The following TRAPPC9 variants were observed in gnomAD, a reference collection of about 807,000 sequenced individuals.
TRAPPC9 encodes trafficking protein particle complex subunit 9.
In TRAPPC9, 83 loss-of-function variants were observed where a neutral mutation model predicts 124.0. The observed-to-expected ratio is 0.67, with a 90% CI of 0.56 to 0.80. The LOEUF is 0.80. Ranked by LOEUF, TRAPPC9 falls within the 30% of genes least tolerant of loss-of-function variation. The pLI, the probability that TRAPPC9 is intolerant of heterozygous loss-of-function variation, is 0.00. For synonymous variants in TRAPPC9, 638 were observed against 617.5 expected (o/e 1.03, Z -0.49); for missense variants, 1,302 against 1,508.3 (o/e 0.86, Z 2.27).
intron 17 of TRAPPC9, among the ~76,000 whole-genome samples, chr8:140,086,859 G>A (rs567154147): frequency 5.9e-5 from 9 of 152,016 alleles, no homozygotes; most frequent in Admixed American, 4.6e-4. Flanking sequence ...TTGAACCCAG[G>A]TGGCAGCAGT....
chr8:139,901,396 T>C (rs187918629), intron 20 of TRAPPC9, among the ~76,000 whole-genome samples: 83 of 152,378 alleles, frequency 5.4e-4, no homozygotes, highest in African/African-American at 1.9e-3. Context: ...ATTTGCATCA[T>C]GAACTTTCAG....
chr8:140,261,129 G>T (rs2064397053), intron 15 of TRAPPC9, among the ~76,000 whole-genome samples: 1 of 152,210 alleles, frequency 6.6e-6, no homozygotes, highest in Admixed American at 6.5e-5. Flanking sequence ...GACAGCATAA[G>T]GACTTTCTGC....
rs1043809858 is a variant in TRAPPC9, at chr8:139,728,082, A to G, written c.*2979T>C. On this transcript the variant is annotated 3_prime_UTR_variant, in exon 23 of 23. Transcript: ENST00000438773. ...ACTGATATGAAAGTGTCCATGAAAT[A>G]AGTATTTTTATCTCTATTTATTCAG... Among the ~76,000 whole-genome samples the G allele has an allele frequency of 6.6e-6, 1 of 152,214 alleles. No individual in the cohort carries two copies. The highest frequency in any genetic ancestry group is 2.1e-4 in the South Asian group (1 of 4,824).
intron 4 of TRAPPC9, among the ~76,000 whole-genome samples, chr8:140,430,076 C>T (rs1266384002): frequency 3.4e-5 from 5 of 147,324 alleles, no homozygotes; most frequent in African/African-American, 1.0e-4. Context: ...GAACCCGGGA[C>T]GCAGAGGTTG....
intron 11 of TRAPPC9, among the ~76,000 whole-genome samples, chr8:140,295,078 C>T (rs536343617): frequency 1.3e-3 from 191 of 152,298 alleles, no homozygotes; most frequent in Non-Finnish European, 2.3e-3. Flanking sequence ...CTCCCTGTTG[C>T]GGGACACACT....
upstream of TRAPPC9, among the ~76,000 whole-genome samples, chr8:140,458,060 A>G (rs1426279833): frequency 5.0e-5 from 5 of 100,716 alleles, no homozygotes; most frequent in African/African-American, 2.1e-4. Context: ...GGGCAGCGAG[A>G]GAGAGAAGCG....
rs147055609 is a variant in TRAPPC9 at position 139,980,137 on chromosome 8, T to C, written c.2810+8589A>G. Among the ~76,000 whole-genome samples, 423 of 151,902 alleles carry C rather than the reference T, an allele frequency of 2.8e-3. 4 individuals carry two copies. The highest frequency in any genetic ancestry group is 9.4e-3 in the African/African-American group (391 of 41,394). On this transcript the variant is annotated intron_variant, in intron 19 of 22. Coordinates refer to ENST00000438773, the MANE Select transcript of TRAPPC9 (RefSeq NM_001160372.4). ...GCAGCTCCATGCCCCCCCAGACTTCTCTAACAAGATGCCAACCCCGAGGGA... is the reference window on the plus strand; with the variant it reads ...GCAGCTCCATGCCCCCCCAGACTTCCCTAACAAGATGCCAACCCCGAGGGA...
At chr8:140,051,156 T>G (rs1208597585) in intron 17 of TRAPPC9, among the ~76,000 whole-genome samples, 2 of 152,218 alleles carry the variant, frequency 1.3e-5, no homozygotes, top group Admixed American at 1.3e-4. Context: ...AGTGCCTTCA[T>G]TCCTGCACAC....
intron 17 of TRAPPC9, among the ~76,000 whole-genome samples, chr8:140,156,844 A>G (rs1489512044): frequency 6.6e-6 from 1 of 152,256 alleles, no homozygotes; most frequent in Non-Finnish European, 1.5e-5. Context: ...GAATGACAAA[A>G]ATTTAATGCA....
At position 139,910,218 on chromosome 8, in the gene TRAPPC9, G is replaced by T. The variant is rs1831631622; in HGVS notation, c.2893C>A (p.Gln965Lys). ...GEKGQFANPK[Q>K]LEEERREARG... ...GCTTCCCGCCGCTCTTCCTCCAGCTGCTTGGGGTTTGCAAATTGCCCCTTC... is the reference window on the plus strand; with the variant it reads ...GCTTCCCGCCGCTCTTCCTCCAGCTTCTTGGGGTTTGCAAATTGCCCCTTC... The change falls in exon 20 of 23, where the codon CAG becomes AAG. Residue 965 changes from glutamine (Q) to lysine (K), a missense_variant. By Grantham distance (53) the Gln-to-Lys change is moderately conservative (BLOSUM62 1). Around this residue, in one of 3 missense-constraint regions of TRAPPC9, gnomAD observed 640 missense variants for 679.3 expected, o/e 0.94. Transcript: ENST00000438773. The T allele has an allele frequency of 6.2e-7, 1 of 1,614,182 alleles. No individual in the cohort carries two copies. The highest frequency in any genetic ancestry group is 8.5e-7 in the Non-Finnish European group (1 of 1,180,038).
chr8:139,826,284 T>C lies in TRAPPC9; in HGVS notation c.3055+59595A>G, dbSNP rs976051826. Among the ~76,000 whole-genome samples, 4 of 152,014 alleles carry C rather than the reference T, an allele frequency of 2.6e-5. No homozygotes were observed. The South Asian group carries it at 8.3e-4, about 32-fold the overall frequency. ...GAGGTGTGACTGATCGGAGGGGCGC[T>C]TCCAGAGGACTACACTGCAGGTGAA... On this transcript the variant is annotated intron_variant, in intron 21 of 22. Coordinates refer to ENST00000438773, the MANE Select transcript of TRAPPC9 (RefSeq NM_001160372.4).
intron 18 of TRAPPC9, among the ~76,000 whole-genome samples, chr8:140,019,368 A>G (rs1287907101): frequency 6.6e-6 from 1 of 152,098 alleles, no homozygotes. Context: ...AAGTTTTTGT[A>G]AAGGTGATAT....
At chr8:140,079,923 C>T (rs1330104268) in intron 17 of TRAPPC9, among the ~76,000 whole-genome samples, 2 of 151,902 alleles carry the variant, frequency 1.3e-5, no homozygotes, top group African/African-American at 4.8e-5. Context: ...GAGCACAATT[C>T]TGTCTCAAAA....
chr8:140,361,021 G>C (rs1476393840), intron 8 of TRAPPC9, among the ~76,000 whole-genome samples: 1 of 152,204 alleles, frequency 6.6e-6, no homozygotes, highest in Non-Finnish European at 1.5e-5. Context: ...ACAGGTATGA[G>C]CCACTGCTCC....
At chr8:140,428,102 G>C in intron 4 of TRAPPC9, among the ~76,000 whole-genome samples, 1 of 152,170 alleles carries the variant, frequency 6.6e-6, no homozygotes, top group Admixed American at 6.5e-5. Flanking sequence ...TGGATTTCCA[G>C]ATAACCTAGA....
At chr8:140,236,159 T>C (rs2063726798) in intron 16 of TRAPPC9, among the ~76,000 whole-genome samples, 2 of 147,920 alleles carry the variant, frequency 1.4e-5, no homozygotes, top group Admixed American at 6.9e-5. Context: ...CTTGGCTCAC[T>C]GCAACCTCCG....
intron 17 of TRAPPC9, among the ~76,000 whole-genome samples, chr8:140,047,449 G>T (rs139472758): frequency 2.6e-5 from 4 of 152,378 alleles, no homozygotes; most frequent in African/African-American, 9.6e-5. Context: ...GCAGCCCACA[G>T]GGTGAAAGGC....
At chr8:139,929,255 C>T (rs780566131) in intron 19 of TRAPPC9, among the ~76,000 whole-genome samples, 1 of 152,176 alleles carries the variant, frequency 6.6e-6, no homozygotes, top group Non-Finnish European at 1.5e-5. Context: ...TTTTAAACAA[C>T]GATGTCTCTA....
intron 9 of TRAPPC9, among the ~76,000 whole-genome samples, chr8:140,343,180 A>T (rs975446972): frequency 2.0e-5 from 3 of 152,226 alleles, no homozygotes; most frequent in African/African-American, 7.2e-5. Context: ...AAAACTCCTC[A>T]TAAGTGAAAA....
Sources: gnomAD v4.1 joint callset for allele counts (sites outside exome capture counted in the v4.1 genomes callset) on GRCh38, gnomAD v4.1.1 for gene constraint, gnomAD v4.1.1 regional missense constraint, MANE v1.5 for transcripts, NCBI Gene and HGNC (gene_info 2026-07-23, HGNC 2026-07-21) for gene names.